The following EPM2A variants were observed in gnomAD, a reference collection of about 807,000 sequenced individuals.
EPM2A encodes the protein EPM2A glucan phosphatase, laforin.
A neutral mutation model predicts 26.5 loss-of-function variants in EPM2A; 21 were observed. The ratio of observed to expected loss-of-function variants is 0.79; its 90% confidence interval spans 0.56 to 1.14. The LOEUF (loss-of-function observed/expected upper bound fraction) is 1.14. Ranked by LOEUF, EPM2A falls within the 50% of genes most tolerant of loss-of-function variation. EPM2A has a pLI of 0.00. For synonymous variants in EPM2A, 217 were observed against 177.6 expected (o/e 1.22, Z -1.76); for missense variants, 458 against 440.8 (o/e 1.04, Z -0.35).
intron 2 of EPM2A, among the ~76,000 whole-genome samples, chr6:145,658,840 T>A (rs1235316830): frequency 6.6e-6 from 1 of 152,142 alleles, no homozygotes; most frequent in African/African-American, 2.4e-5. Flanking sequence ...TTTCTATACT[T>A]TTTTTTCCTA....
chr6:145,516,905 T>C (rs1219441639), intron 2 of EPM2A, among the ~76,000 whole-genome samples: 1 of 152,190 alleles, frequency 6.6e-6, no homozygotes, highest in Non-Finnish European at 1.5e-5. Context: ...TTCATGTTCA[T>C]TACAACATTA....
At chr6:145,455,921 G>C (rs572046238) in intron 4 of EPM2A, among the ~76,000 whole-genome samples, 3 of 152,248 alleles carry the variant, frequency 2.0e-5, no homozygotes, top group Non-Finnish European at 4.4e-5. Context: ...TTCAGTTTTA[G>C]AAAGCAAAAT....
chr6:145,416,011 C>T (rs1778703262), intron 4 of EPM2A, among the ~76,000 whole-genome samples: 1 of 152,138 alleles, frequency 6.6e-6, no homozygotes, highest in Non-Finnish European at 1.5e-5. Flanking sequence ...TTGTACTGTG[C>T]TCTGGGCCCT....
intron 4 of EPM2A, among the ~76,000 whole-genome samples, chr6:145,476,895 AAAAGCAAGAGC>A (rs1377440865): frequency 6.6e-6 from 1 of 152,028 alleles, no homozygotes; most frequent in East Asian, 1.9e-4. Flanking sequence ...AAAGAATTAG[AAAAGCAAGAGC>A]AAACCAAACC....
chr6:145,523,001 G>C (rs1168766753), intron 2 of EPM2A, among the ~76,000 whole-genome samples: 2 of 152,176 alleles, frequency 1.3e-5, no homozygotes, highest in African/African-American at 4.8e-5. Context: ...CTCAGGGGTT[G>C]TTTGTAGGTT....
chr6:145,422,209 T>C (rs1778797803), intron 4 of EPM2A, among the ~76,000 whole-genome samples: 1 of 146,374 alleles, frequency 6.8e-6, no homozygotes, highest in Non-Finnish European at 1.5e-5. Context: ...TAGAAGTATA[T>C]AGATCTCATA....
intron 2 of EPM2A, among the ~76,000 whole-genome samples, chr6:145,661,232 C>T (rs1418583398): frequency 1.3e-5 from 2 of 152,188 alleles, no homozygotes; most frequent in Non-Finnish European, 2.9e-5. Flanking sequence ...CTGCAGTTCA[C>T]CAGGCCACAA....
intron 2 of EPM2A, among the ~76,000 whole-genome samples, chr6:145,560,353 C>G (rs1780787983): frequency 6.6e-6 from 1 of 151,942 alleles, no homozygotes; most frequent in African/African-American, 2.4e-5. Flanking sequence ...CTTATTTTTC[C>G]AGTTAATTAG....
intron 2 of EPM2A, among the ~76,000 whole-genome samples, chr6:145,665,191 C>CA (rs1779079921): frequency 3.9e-5 from 1 of 25,612 alleles, no homozygotes; most frequent in African/African-American, 2.0e-4. Flanking sequence ...AATAGAGACA[C>CA]AAAAAACCCT....
At chr6:145,729,989 C>T (rs1776404338) in intron 1 of EPM2A, among the ~76,000 whole-genome samples, 1 of 152,096 alleles carries the variant, frequency 6.6e-6, no homozygotes, top group Non-Finnish European at 1.5e-5. Flanking sequence ...CTCATGGGAT[C>T]TAGTTGTTTA....
At chr6:145,656,059 T>C (rs568330154) in intron 2 of EPM2A, among the ~76,000 whole-genome samples, 5 of 152,274 alleles carry the variant, frequency 3.3e-5, no homozygotes, top group East Asian at 3.9e-4. Flanking sequence ...AATCCACTAA[T>C]ATGCAAGAGT....
At chr6:145,578,743 A>G (rs1468214138) in intron 2 of EPM2A, among the ~76,000 whole-genome samples, 2 of 152,214 alleles carry the variant, frequency 1.3e-5, no homozygotes, top group African/African-American at 4.8e-5. Flanking sequence ...TATTGAAAGT[A>G]TGTAATTTGG....
chr6:145,530,188 AT>A (rs1780334604), intron 2 of EPM2A, among the ~76,000 whole-genome samples: 1 of 152,194 alleles, frequency 6.6e-6, no homozygotes. Context: ...CACCCTGTTT[AT>A]GCCTTTCCCC....
chr6:145,618,963 C>T (rs1473482640), intron 2 of EPM2A, among the ~76,000 whole-genome samples: 1 of 152,096 alleles, frequency 6.6e-6, no homozygotes, highest in Non-Finnish European at 1.5e-5. Context: ...CTTTAACAAT[C>T]CAGGTCAGCG....
At chr6:145,526,403 T>A (rs1409457235) in intron 2 of EPM2A, among the ~76,000 whole-genome samples, 1 of 152,066 alleles carries the variant, frequency 6.6e-6, no homozygotes, top group Non-Finnish European at 1.5e-5. Flanking sequence ...CAGTTGTGAA[T>A]CCATCTAGTC....
At chr6:145,392,550 C>G (rs1778351884) in intron 4 of EPM2A, among the ~76,000 whole-genome samples, 1 of 152,048 alleles carries the variant, frequency 6.6e-6, no homozygotes, top group African/African-American at 2.4e-5. Context: ...CACACCCCTC[C>G]AACCCTTCTC....
intron 2 of EPM2A, among the ~76,000 whole-genome samples, chr6:145,675,542 T>A (rs556036625): frequency 3.0e-4 from 45 of 152,122 alleles, no homozygotes; most frequent in African/African-American, 1.0e-3. Context: ...AGGAGACCCA[T>A]CTCACGTGCA....
chr6:145,509,406 C>T (rs759312845), intron 2 of EPM2A, among the ~76,000 whole-genome samples: 19 of 152,254 alleles, frequency 1.2e-4, no homozygotes, highest in Admixed American at 2.6e-4. Context: ...AGAAATCTTA[C>T]AAGCCAGAAA....
At chr6:145,651,719 G>C (rs1230340348) in intron 2 of EPM2A, among the ~76,000 whole-genome samples, 1 of 152,196 alleles carries the variant, frequency 6.6e-6, no homozygotes, top group Non-Finnish European at 1.5e-5. Context: ...AAGTGTAGCA[G>C]TGATTAACAG....
Sources: allele counts gnomAD v4.1 joint callset (sites outside exome capture counted in the v4.1 genomes callset), GRCh38; gene constraint gnomAD v4.1.1; transcripts MANE v1.5; gene names NCBI Gene and HGNC (gene_info 2026-07-23, HGNC 2026-07-21).